TRIP4: variants seen among roughly 807,000 people sequenced by gnomAD.
TRIP4 encodes thyroid hormone receptor interactor 4.
In TRIP4, 54 loss-of-function variants were observed where a neutral mutation model predicts 81.8. The observed-to-expected ratio is 0.66, with a 90% confidence interval of 0.53 to 0.83. The LOEUF (loss-of-function observed/expected upper bound fraction) is 0.83. Among genes scored for constraint, TRIP4 ranks in the 40% least tolerant of loss-of-function variants. The pLI is 0.00. For missense variants in TRIP4, 662 were observed against 683.6 expected, an observed-to-expected ratio of 0.97 and a Z score of 0.35; for synonymous variants, 270 against 242.8, an observed-to-expected ratio of 1.11 and a Z score of -1.04.
At chr15:64,395,601 G>A (rs1900268836) in intron 3 of TRIP4, 70 bp downstream of exon 3, 2 of 1,506,144 alleles carry the variant, frequency 1.3e-6, no homozygotes, top group East Asian at 2.3e-5. Flanking sequence ...ATTTCAGAGA[G>A]CAAAGTGTAC....
chr15:64,455,023 G>C lies in TRIP4; in HGVS notation c.1705G>C (p.Gly569Arg). 4.3e-6 allele frequency: 7 copies of C among 1,614,028 alleles called. No individual in the cohort carries two copies. The highest frequency in any genetic ancestry group is 5.9e-6 in the Non-Finnish European group (7 of 1,179,954). The change falls in exon 13 of 13, where the codon GGA becomes CGA. Residue 569 changes from glycine to arginine, a missense_variant. By Grantham distance (125) the Gly-to-Arg change is moderately radical. Coordinates refer to ENST00000261884, the MANE Select transcript of TRIP4 (RefSeq NM_016213.5). Reference sequence around the variant, plus strand: ...GAAATTGGATTCCAAGATCCATCAAGGAGCAAAGAAGGGGTTAATGAAGCA... The same window carrying C: ...GAAATTGGATTCCAAGATCCATCAACGAGCAAAGAAGGGGTTAATGAAGCA... ...IWKLDSKIHQ[G>R]AKKGLMKQNK...
At chr15:64,410,046 G>C (rs1471161556) in intron 7 of TRIP4, among the ~76,000 whole-genome samples, 1 of 126,348 alleles carries the variant, frequency 7.9e-6, no homozygotes, top group African/African-American at 3.0e-5. Context: ...TTTTTTTTGA[G>C]ATGGAGTCTC....
At chr15:64,391,353 C>T (rs1447564771) in intron 1 of TRIP4, among the ~76,000 whole-genome samples, 1 of 151,728 alleles carries the variant, frequency 6.6e-6, no homozygotes, top group Non-Finnish European at 1.5e-5. Context: ...GATGGGATTC[C>T]ACCAGGTTGG....
intron 7 of TRIP4, among the ~76,000 whole-genome samples, chr15:64,410,327 A>G (rs1891733245): frequency 6.6e-6 from 1 of 152,152 alleles, no homozygotes; most frequent in African/African-American, 2.4e-5. Flanking sequence ...TGCTCAGCAA[A>G]AAAAAGTTTT....
intron 8 of TRIP4, among the ~76,000 whole-genome samples, chr15:64,416,968 G>A (rs747596167): frequency 3.9e-5 from 6 of 151,998 alleles, no homozygotes; most frequent in Non-Finnish European, 5.9e-5. Flanking sequence ...CTAGGGTTTC[G>A]ACTACCACTA....
At chr15:64,393,240 C>T (rs1900187432) in intron 1 of TRIP4, 2 of 150,348 alleles carry the variant, frequency 1.3e-5, no homozygotes, top group Non-Finnish European at 3.0e-5. Flanking sequence ...AGCTCTGTCT[C>T]CTGGGTTCAC....
intron 1 of TRIP4, among the ~76,000 whole-genome samples, chr15:64,388,885 T>A (rs1393422247): frequency 1.3e-5 from 2 of 152,212 alleles, no homozygotes; most frequent in Non-Finnish European, 2.9e-5. Context: ...ATGGAGATGG[T>A]GTACATGACT....
intron 8 of TRIP4, 29 bp downstream of exon 8, chr15:64,414,240 TAAG>T: frequency 1.2e-6 from 2 of 1,610,544 alleles, no homozygotes; most frequent in Non-Finnish European, 1.7e-6. Context: ...TAACTGTTAA[TAAG>T]AAGTTTGGCC....
At chr15:64,394,853 GTT>G (rs1900243836) in intron 2 of TRIP4, among the ~76,000 whole-genome samples, 1 of 152,072 alleles carries the variant, frequency 6.6e-6, no homozygotes, top group Non-Finnish European at 1.5e-5. Context: ...TCAGAATTTT[GTT>G]TGTTTTGAGA....
At chr15:64,405,744 C>T (rs570453686) in intron 5 of TRIP4, among the ~76,000 whole-genome samples, 1 of 152,084 alleles carries the variant, frequency 6.6e-6, no homozygotes, top group Non-Finnish European at 1.5e-5. Flanking sequence ...TCTGGAATCC[C>T]AGTACTTTGA....
At chr15:64,433,799 G>A (rs1479987392) in intron 11 of TRIP4, among the ~76,000 whole-genome samples, 1 of 152,176 alleles carries the variant, frequency 6.6e-6, no homozygotes, top group Non-Finnish European at 1.5e-5. Flanking sequence ...AAGAGTGTGA[G>A]TATAGAGCAA....
At chr15:64,390,220 G>A (rs1389474120) in intron 1 of TRIP4, among the ~76,000 whole-genome samples, 1 of 150,908 alleles carries the variant, frequency 6.6e-6, no homozygotes, top group African/African-American at 2.4e-5. Context: ...TAAGCACTTT[G>A]GGAGGCCGAG....
At position 64,424,109 on chromosome 15, in the gene TRIP4, A is replaced by G. The variant is rs1892083958; in HGVS notation, c.1437A>G (p.Gln479=). The G allele has an allele frequency of 1.2e-6, 2 of 1,614,200 alleles. No homozygotes were observed. The highest frequency in any genetic ancestry group is 1.7e-5 in the Admixed American group (1 of 60,024). The part of the protein sequence containing the change: ...IAATAKKPSP[Q]EVSELQATYR... ...CCACAGCTAAAAAACCCTCCCCTCA[A>G]GAAGTCTCAGAACTCCAGGCTACAT... The change falls in exon 10 of 13, where the codon CAA becomes CAG. Residue 479 remains glutamine (Q), a synonymous_variant. Coordinates refer to ENST00000261884, the MANE Select transcript of TRIP4 (RefSeq NM_016213.5).
intron 1 of TRIP4, among the ~76,000 whole-genome samples, chr15:64,389,849 G>A (rs964361428): frequency 8.0e-5 from 12 of 150,238 alleles, no homozygotes; most frequent in African/African-American, 1.7e-4. Flanking sequence ...TTACAGGCGC[G>A]CACCACCATG....
chr15:64,403,583 A>G (rs931844911), intron 5 of TRIP4, among the ~76,000 whole-genome samples: 14 of 152,242 alleles, frequency 9.2e-5, no homozygotes, highest in Non-Finnish European at 1.3e-4. Context: ...TGTTGGGATT[A>G]TAATGTAGTC....
Position 64,404,869 on chromosome 15 carries a change from A to G in TRIP4, c.698-1461A>G, listed in dbSNP as rs565441317. Among the ~76,000 whole-genome samples the G allele has an allele frequency of 4.0e-5, 6 of 151,528 alleles. No individual in the cohort carries two copies. In the South Asian group the frequency reaches 8.3e-4, roughly 21 times the overall value. On this transcript the variant is annotated intron_variant, in intron 5 of 12. Coordinates refer to ENST00000261884, the MANE Select transcript of TRIP4 (RefSeq NM_016213.5). ...TCTGGCTAATTTTTAAATTGTTTGT[A>G]CAGATGGGCTCTCACCATGTTGCCC... is the stretch of plus-strand genomic sequence containing the variant.
chr15:64,393,234 C>G (rs538280803), intron 1 of TRIP4: 5 of 149,876 alleles, frequency 3.3e-5, no homozygotes, highest in African/African-American at 1.2e-4. Context: ...ACTGCAAGCT[C>G]TGTCTCCTGG....
rs200983450 is a variant in TRIP4 at position 64,454,986 on chromosome 15, C to A, written c.1679-11C>A. 2.2e-4 allele frequency: 354 copies of A among 1,612,030 alleles called. No homozygotes were observed. Among genetic ancestry groups the A allele is most frequent in the Non-Finnish European group, 2.8e-4 (334 of 1,178,382 alleles). On this transcript the variant is annotated splice_polypyrimidine_tract_variant and intron_variant, in intron 12 of 12. Coordinates refer to ENST00000261884, the MANE Select transcript of TRIP4 (RefSeq NM_016213.5). ...AAAATAAATAATGAGACTTATTTTT[C>A]TCCCTTACAGGGAAATTGGATTCCA...
At chr15:64,448,495 A>C (rs961389245) in intron 12 of TRIP4, among the ~76,000 whole-genome samples, 1 of 152,074 alleles carries the variant, frequency 6.6e-6, no homozygotes. Context: ...ATGGGGTCTC[A>C]CTCTGTTATC....
Sources: allele counts gnomAD v4.1 joint callset (sites outside exome capture counted in the v4.1 genomes callset), GRCh38; gene constraint gnomAD v4.1.1; transcripts MANE v1.5; gene names NCBI Gene and HGNC (gene_info 2026-07-23, HGNC 2026-07-21).